The following ASXL2 variants were observed in gnomAD, a reference collection of about 807,000 sequenced individuals.
The protein encoded by ASXL2 is ASXL transcriptional regulator 2.
In ASXL2, 23 loss-of-function variants were observed where a neutral mutation model predicts 122.0. The ratio of observed to expected loss-of-function variants is 0.19; its 90% CI spans 0.14 to 0.27. The LOEUF is 0.27. ASXL2 is among the 10% of genes least tolerant of loss of function. The pLI is 1.00. For synonymous variants in ASXL2, 650 were observed against 637.0 expected (o/e 1.02, Z -0.31); for missense variants, 1,518 against 1,713.8 (o/e 0.89, Z 2.02).
At position 25,742,425 on chromosome 2, in the gene ASXL2, C is replaced by A. The variant is rs772604191; in HGVS notation, c.3912G>T (p.Gln1304His). The A allele has an allele frequency of 1.0e-5, 4 of 389,700 alleles. No homozygotes were observed. The highest frequency in any genetic ancestry group is 2.0e-5 in the Non-Finnish European group (4 of 201,344). 24.1% of individuals were successfully genotyped at this position (389,700 alleles called of 1,614,324 possible). A position where few individuals can be genotyped will look rare whatever the true frequency, so the allele number is the denominator to read the frequency against. Residue 1304 changes from glutamine to histidine, a missense_variant, in exon 13 of 13, where the codon CAG (glutamine) becomes CAT (histidine). Transcript: ENST00000435504. The part of the protein sequence containing the change: ...LPLPADSPTH[Q>H]PLLLPPLQTP... ...TTTGCAGGGGTGGAAGGAGTAGGGG[C>A]TGGTGGGTGGGGCTGTCTGCAGGCA... is the stretch of plus-strand genomic sequence containing the variant.
At chr2:25,847,194 G>C (rs954081940) in intron 1 of ASXL2, among the ~76,000 whole-genome samples, 19 of 152,296 alleles carry the variant, frequency 1.2e-4, no homozygotes, top group South Asian at 1.2e-3. Flanking sequence ...TCCAGTGTTT[G>C]TAACTACTTT....
At chr2:25,863,217 C>T (rs1459126348) in intron 1 of ASXL2, among the ~76,000 whole-genome samples, 2 of 151,666 alleles carry the variant, frequency 1.3e-5, no homozygotes, top group African/African-American at 4.8e-5. Context: ...GTAGTCCCAT[C>T]TACTCAGAAG....
At chr2:25,819,893 T>C (rs1436160157) in intron 3 of ASXL2, among the ~76,000 whole-genome samples, 1 of 152,194 alleles carries the variant, frequency 6.6e-6, no homozygotes. Flanking sequence ...GAAGTTTGCT[T>C]GCTTGACTGA....
At chr2:25,836,754 T>C (rs2089516373) in intron 2 of ASXL2, among the ~76,000 whole-genome samples, 1 of 152,116 alleles carries the variant, frequency 6.6e-6, no homozygotes, top group Non-Finnish European at 1.5e-5. Flanking sequence ...CCTATACTAA[T>C]CTTATAGTGT....
chr2:25,847,569 AGTT>A (rs2089663208), intron 1 of ASXL2, among the ~76,000 whole-genome samples: 1 of 152,248 alleles, frequency 6.6e-6, no homozygotes, highest in Admixed American at 6.5e-5. Flanking sequence ...AGATGTCCAA[AGTT>A]AAACTTACTG....
chr2:25,745,769 G>A (rs2087931668), intron 12 of ASXL2, among the ~76,000 whole-genome samples: 3 of 149,184 alleles, frequency 2.0e-5, no homozygotes, highest in African/African-American at 5.0e-5. Context: ...TCAGCCTCCC[G>A]AGTAGCTGGG....
chr2:25,858,742 CTAATA>C (rs2089811396), intron 1 of ASXL2, among the ~76,000 whole-genome samples: 1 of 151,166 alleles, frequency 6.6e-6, no homozygotes, highest in Non-Finnish European at 1.5e-5. Flanking sequence ...AATTTAAAGC[CTAATA>C]TAAAGAGGGA....
At chr2:25,839,197 T>C (rs2089548289) in intron 2 of ASXL2, among the ~76,000 whole-genome samples, 3 of 152,220 alleles carry the variant, frequency 2.0e-5, no homozygotes. Context: ...CACTGCCACA[T>C]TATCATTGGT....
rs1332007449 is a variant in ASXL2 at position 25,835,551 on chromosome 2, A to C, written c.141-11T>G. 3.4e-6 allele frequency: 1 copy of C among 296,420 alleles called. No individual in the cohort carries two copies. Among genetic ancestry groups the C allele is most frequent in the Non-Finnish European group, 7.3e-6 (1 of 137,816 alleles). The allele number at this position is 296,420 out of a possible 1,614,324, so 18.4% of individuals were successfully genotyped here. A position where few individuals can be genotyped will look rare whatever the true frequency, so the allele number is the denominator to read the frequency against. ...AATACTTCTTACCTTCTGGAGTTGG[A>C]ATGCAGTGCAGGAAAATGAAAGAAG... On this transcript the variant is annotated splice_polypyrimidine_tract_variant and intron_variant, in intron 2 of 12. Transcript: ENST00000435504.
intron 5 of ASXL2, among the ~76,000 whole-genome samples, chr2:25,772,377 A>C (rs1180678291): frequency 6.6e-6 from 1 of 152,194 alleles, no homozygotes; most frequent in Non-Finnish European, 1.5e-5. Context: ...AGTTGGACTG[A>C]AAAGGCCCAA....
chr2:25,788,080 T>C (rs1391291283), intron 5 of ASXL2, among the ~76,000 whole-genome samples: 2 of 152,258 alleles, frequency 1.3e-5, no homozygotes, highest in South Asian at 2.1e-4. Flanking sequence ...ATATGGTCAA[T>C]TGACTTATGA....
At chr2:25,796,391 G>C (rs1316070536) in intron 5 of ASXL2, among the ~76,000 whole-genome samples, 9 of 152,172 alleles carry the variant, frequency 5.9e-5, no homozygotes, top group Non-Finnish European at 1.3e-4. Flanking sequence ...ATCATCAAGA[G>C]TTGGTTTAAA....
intron 8 of ASXL2, among the ~76,000 whole-genome samples, chr2:25,766,705 T>TA (rs931064014): frequency 2.6e-5 from 4 of 152,218 alleles, no homozygotes; most frequent in Non-Finnish European, 5.9e-5. Flanking sequence ...GGAGAATCCC[T>TA]ATTCAGTATT....
rs1574384226 is a variant in ASXL2, at chr2:25,734,886, T to C, written c.*7143A>G. 1 of 152,102 alleles carries C rather than the reference T, an allele frequency of 6.6e-6. No individual in the cohort carries two copies. Among genetic ancestry groups the C allele is most frequent in the South Asian group, 2.1e-4 (1 of 4,830 alleles). The allele number at this position is 152,102 out of a possible 1,614,324, so 9.4% of individuals were successfully genotyped here. A position where few individuals can be genotyped will look rare whatever the true frequency, so the allele number is the denominator to read the frequency against. On this transcript the variant is annotated 3_prime_UTR_variant, in exon 13 of 13. Transcript: ENST00000435504. ...GTGAATCTAAAATCTTAAAAAGAAA[T>C]CTCTCAAAAATGGAATAAGCTACTT...
chr2:25,818,070 C>T (rs2089259014), intron 3 of ASXL2, among the ~76,000 whole-genome samples: 1 of 152,226 alleles, frequency 6.6e-6, no homozygotes, highest in Non-Finnish European at 1.5e-5. Flanking sequence ...TTGATGGTAA[C>T]TTGAAAGTCT....
intron 4 of ASXL2, among the ~76,000 whole-genome samples, chr2:25,804,041 A>G (rs897999914): frequency 2.6e-5 from 4 of 152,198 alleles, no homozygotes; most frequent in African/African-American, 9.7e-5. Context: ...TTTTTTAAAC[A>G]GTATGGAAGG....
rs147191545 is a variant in ASXL2 at position 25,768,820 on chromosome 2, T to C, written c.553A>G (p.Ser185Gly). Reference sequence around the variant, plus strand: ...TGCTGGTTGGAGGAGATGGATATGCTTGGCCTGCATTGCTGCTGCTGCTTC... The same window carrying C: ...TGCTGGTTGGAGGAGATGGATATGCCTGGCCTGCATTGCTGCTGCTGCTTC... The part of the protein sequence containing the change: ...QKKQQQQCRP[S>G]ISISSNQHLS... Residue 185 changes from serine (S) to glycine (G), a missense_variant, in exon 7 of 13, where the codon AGC (serine) becomes GGC (glycine). By Grantham distance (56) the Ser-to-Gly change is moderately conservative (BLOSUM62 0). Around this residue, in one of 8 missense-constraint regions of ASXL2, gnomAD observed 198 missense variants for 209.0 expected, o/e 0.95. Coordinates refer to ENST00000435504, the MANE Select transcript of ASXL2 (RefSeq NM_018263.6). The C allele has an allele frequency of 3.5e-3, 5,684 of 1,613,810 alleles. 12 individuals carry two copies. Among genetic ancestry groups the C allele is most frequent in the Non-Finnish European group, 4.6e-3 (5,408 of 1,179,748 alleles).
intron 5 of ASXL2, among the ~76,000 whole-genome samples, chr2:25,793,779 G>A (rs1209751792): frequency 6.6e-6 from 1 of 152,088 alleles, no homozygotes; most frequent in South Asian, 2.1e-4. Flanking sequence ...AACACCAAGT[G>A]CAATCTACTC....
chr2:25,858,734 T>A (rs1013352012), intron 1 of ASXL2, among the ~76,000 whole-genome samples: 2 of 147,150 alleles, frequency 1.4e-5, no homozygotes, highest in Non-Finnish European at 3.0e-5. Context: ...AAAAAAAAAA[T>A]TTAAAGCCTA....
Sources: gnomAD v4.1 joint callset for allele counts (sites outside exome capture counted in the v4.1 genomes callset) on GRCh38, gnomAD v4.1.1 for gene constraint, gnomAD v4.1.1 regional missense constraint, MANE v1.5 for transcripts, NCBI Gene and HGNC (gene_info 2026-07-23, HGNC 2026-07-21) for gene names.